CTNNA3: variants seen among roughly 807,000 people sequenced by gnomAD.
CTNNA3 encodes catenin alpha 3, also known as catenin alpha-3.
CTNNA3 carries 76 observed loss-of-function variants against 95.7 expected under a neutral mutation model. That is an observed-to-expected ratio of 0.79 (90% CI 0.66 to 0.96). The LOEUF is 0.96. Ranked by LOEUF, CTNNA3 falls within the 40% of genes least tolerant of loss-of-function variation. The pLI, the probability that CTNNA3 is intolerant of heterozygous loss-of-function variation, is 0.00. For synonymous variants in CTNNA3, 431 were observed against 374.4 expected (o/e 1.15, Z -1.74); for missense variants, 1,191 against 1,089.8 (o/e 1.09, Z -1.31).
chr10:66,049,841 T>C (rs2079909718), intron 15 of CTNNA3, among the ~76,000 whole-genome samples: 1 of 152,066 alleles, frequency 6.6e-6, no homozygotes, highest in South Asian at 2.1e-4. Context: ...AACTATTGGG[T>C]ACTGGGCTTA....
chr10:67,726,200 TATC>T (rs1188718986), intron 1 of CTNNA3, among the ~76,000 whole-genome samples: 1 of 106,426 alleles, frequency 9.4e-6, no homozygotes, highest in African/African-American at 3.9e-5. Context: ...ATATATAATA[TATC>T]ATATATTATA....
In CTNNA3 at chr10:67,221,821, G is replaced by A. The variant is rs1234083516; in HGVS notation, c.580-1951C>T. Among the ~76,000 whole-genome samples the A allele has an allele frequency of 3.3e-5, 5 of 152,132 alleles. No homozygotes were observed. In the South Asian group the frequency reaches 6.2e-4, roughly 19 times the overall value. On this transcript the variant is annotated intron_variant, in intron 5 of 17. Coordinates refer to ENST00000433211, the MANE Select transcript of CTNNA3 (RefSeq NM_013266.4). ...GATCTTCTGACCTTGTGATCCGCCC[G>A]CCTCGGCCTCCCAAAGTGGAAAAAT...
intron 7 of CTNNA3, among the ~76,000 whole-genome samples, chr10:67,044,585 G>A (rs1234778240): frequency 1.3e-5 from 2 of 152,126 alleles, no homozygotes; most frequent in South Asian, 2.1e-4. Flanking sequence ...CTATCCCTCT[G>A]TCTCAGAGAC....
chr10:67,518,709 T>C (rs1185109241), intron 5 of CTNNA3, among the ~76,000 whole-genome samples: 1 of 152,104 alleles, frequency 6.6e-6, no homozygotes, highest in Non-Finnish European at 1.5e-5. Flanking sequence ...CCTTATTTTG[T>C]TTTACTTCAC....
intron 5 of CTNNA3, among the ~76,000 whole-genome samples, chr10:67,294,767 C>A (rs964639283): frequency 2.0e-5 from 3 of 152,228 alleles, no homozygotes; most frequent in Middle Eastern, 3.4e-3. Context: ...CTGTTAATAT[C>A]CTTTACCAAC....
At chr10:66,490,645 T>C (rs2131933686) in intron 11 of CTNNA3, among the ~76,000 whole-genome samples, 1 of 152,308 alleles carries the variant, frequency 6.6e-6, no homozygotes, top group South Asian at 2.1e-4. Flanking sequence ...AGTTCTCAAA[T>C]GTGTCAGTTC....
chr10:66,663,520 CT>C (rs2132449222), intron 9 of CTNNA3, among the ~76,000 whole-genome samples: 1 of 151,250 alleles, frequency 6.6e-6, no homozygotes, highest in South Asian at 2.1e-4. Flanking sequence ...GCCTTTCCCA[CT>C]TTGCTTTTCA....
At chr10:67,708,450 C>G (rs1841089976) in intron 1 of CTNNA3, among the ~76,000 whole-genome samples, 1 of 152,074 alleles carries the variant, frequency 6.6e-6, no homozygotes, top group African/African-American at 2.4e-5. Flanking sequence ...TTGAAAATCA[C>G]AATCATTTTC....
intron 5 of CTNNA3, among the ~76,000 whole-genome samples, chr10:67,267,797 C>T (rs1240272686): frequency 1.3e-5 from 2 of 152,102 alleles, no homozygotes; most frequent in African/African-American, 4.8e-5. Context: ...CAGGCTGGAA[C>T]ATGGGACAGC....
intron 7 of CTNNA3, among the ~76,000 whole-genome samples, chr10:67,054,079 G>C (rs577544896): frequency 6.6e-6 from 1 of 151,992 alleles, no homozygotes; most frequent in African/African-American, 2.4e-5. Flanking sequence ...AGTATTTACC[G>C]TTTCAAAAGT....
intron 5 of CTNNA3, among the ~76,000 whole-genome samples, chr10:67,501,438 G>C (rs1448746925): frequency 6.6e-6 from 1 of 152,080 alleles, no homozygotes; most frequent in Non-Finnish European, 1.5e-5. Context: ...ATGATTATGT[G>C]TCTTGGGGTT....
intron 12 of CTNNA3, among the ~76,000 whole-genome samples, chr10:66,295,798 C>T (rs1472242316): frequency 6.6e-6 from 1 of 152,126 alleles, no homozygotes. Flanking sequence ...TCTCTGAACA[C>T]AAAGGACAAG....
At chr10:67,370,951 G>C (rs7088599) in intron 5 of CTNNA3, among the ~76,000 whole-genome samples, 104,829 of 146,612 alleles carry the variant, frequency 0.72, 41,390 homozygotes, top group Non-Finnish European at 0.88. Flanking sequence ...ACTGCAAGCT[G>C]CGCCTCCCGG....
chr10:67,726,626 T>TCA (rs1564841363), intron 1 of CTNNA3, among the ~76,000 whole-genome samples: 1 of 4,884 alleles, frequency 2.0e-4, no homozygotes, highest in Non-Finnish European at 3.8e-4. Context: ...ATAATATATA[T>TCA]TATATTATAT....
At chr10:66,958,308 CAAA>C (rs35076056) in intron 7 of CTNNA3, among the ~76,000 whole-genome samples, 70 of 86,912 alleles carry the variant, frequency 8.1e-4, no homozygotes, top group African/African-American at 2.7e-3. Context: ...TGCTTTCTTG[CAAA>C]AAAAAAAAAA....
At chr10:66,011,573 T>C (rs1238960862) in intron 15 of CTNNA3, among the ~76,000 whole-genome samples, 1 of 152,178 alleles carries the variant, frequency 6.6e-6, no homozygotes, top group Non-Finnish European at 1.5e-5. Flanking sequence ...ATGGCAGAGA[T>C]TATTAGCCCC....
intron 7 of CTNNA3, among the ~76,000 whole-genome samples, chr10:66,784,223 A>T (rs1457776653): frequency 1.3e-5 from 2 of 152,196 alleles, no homozygotes; most frequent in Admixed American, 1.3e-4. Flanking sequence ...GAAGAGTTTC[A>T]TATTCTAAAG....
Position 66,753,436 on chromosome 10 carries a change from G to A in CTNNA3, c.1281+12828C>T, listed in dbSNP as rs550046523. On this transcript the variant is annotated intron_variant, in intron 9 of 17. Coordinates refer to ENST00000433211, the MANE Select transcript of CTNNA3 (RefSeq NM_013266.4). ...CCAGCACTTTGGGAGGCTGAAGTGG[G>A]CAGGTCACCTGAGGTCAGGAGTTCA... is the stretch of plus-strand genomic sequence containing the variant. Among the ~76,000 whole-genome samples, 7 of 152,228 alleles carry A rather than the reference G, an allele frequency of 4.6e-5. No homozygotes were observed. In the South Asian group the frequency reaches 1.0e-3, roughly 23 times the overall value.
intron 13 of CTNNA3, among the ~76,000 whole-genome samples, chr10:66,269,011 G>T (rs771415471): frequency 6.6e-6 from 1 of 152,056 alleles, no homozygotes; most frequent in African/African-American, 2.4e-5. Context: ...TGAGATCTGG[G>T]GGTTGTATTA....
Sources: allele counts gnomAD v4.1 joint callset (sites outside exome capture counted in the v4.1 genomes callset), GRCh38; gene constraint gnomAD v4.1.1; transcripts MANE v1.5; gene names NCBI Gene and HGNC (gene_info 2026-07-23, HGNC 2026-07-21).